HHLA2: variants seen among roughly 807,000 people sequenced by gnomAD.
The protein encoded by HHLA2 is HHLA2 member of B7 family, also known as HERV-H LTR-associating protein 2.
In HHLA2, 48 loss-of-function variants were observed where a neutral mutation model predicts 45.9. That is an observed-to-expected ratio of 1.05 (90% CI 0.83 to 1.33). HHLA2 has a LOEUF of 1.33. HHLA2 is among the 40% of genes most tolerant of loss of function. The probability of loss-of-function intolerance (pLI) is 0.00; values close to 1 mark genes in which losing one functional copy is unlikely to be tolerated. For synonymous variants in HHLA2, 161 were observed against 173.9 expected (o/e 0.93, Z 0.59); for missense variants, 462 against 494.3 (o/e 0.93, Z 0.62).
intron 1 of HHLA2, among the ~76,000 whole-genome samples, chr3:108,304,631 C>A (rs1436387305): frequency 1.3e-5 from 2 of 152,182 alleles, no homozygotes; most frequent in Non-Finnish European, 2.9e-5. Flanking sequence ...AGTCGATCCA[C>A]TACAAATATA....
At chr3:108,304,458 C>T (rs548864505) in intron 1 of HHLA2, among the ~76,000 whole-genome samples, 2 of 152,124 alleles carry the variant, frequency 1.3e-5, no homozygotes, top group African/African-American at 4.8e-5. Context: ...CAGTCTCTGC[C>T]ACCGTCTGTG....
chr3:108,326,115 T>C (rs1165197230), intron 2 of HHLA2: 1 of 252,422 alleles, frequency 4.0e-6, no homozygotes, highest in East Asian at 1.1e-4. Flanking sequence ...CGGTGTCTTT[T>C]TTTTAATGCC....
intron 3 of HHLA2, among the ~76,000 whole-genome samples, chr3:108,333,981 C>A (rs537762008): frequency 8.5e-5 from 13 of 152,316 alleles, no homozygotes; most frequent in East Asian, 1.9e-4. Flanking sequence ...CCAGAAGAAT[C>A]TTTTCTTCCC....
At chr3:108,369,364 G>A (rs928541833) in intron 8 of HHLA2, among the ~76,000 whole-genome samples, 8 of 152,094 alleles carry the variant, frequency 5.3e-5, no homozygotes, top group Admixed American at 1.3e-4. Context: ...GAACAGCTCC[G>A]GTCTACAGCT....
At chr3:108,371,588 G>A (rs536606213) in intron 8 of HHLA2, among the ~76,000 whole-genome samples, 7 of 152,234 alleles carry the variant, frequency 4.6e-5, no homozygotes, top group Non-Finnish European at 5.9e-5. Context: ...CCTATCTCAC[G>A]TGCAGAGACA....
intron 3 of HHLA2, among the ~76,000 whole-genome samples, chr3:108,338,645 G>C (rs1242422051): frequency 6.6e-6 from 1 of 152,190 alleles, no homozygotes; most frequent in Non-Finnish European, 1.5e-5. Flanking sequence ...AGCAGAAAGA[G>C]CCCTTGTTTA....
At chr3:108,339,239 CA>C (rs2081525299) in intron 3 of HHLA2, among the ~76,000 whole-genome samples, 1 of 152,128 alleles carries the variant, frequency 6.6e-6, no homozygotes, top group African/African-American at 2.4e-5. Flanking sequence ...ATAAGACTCA[CA>C]AAAAGGTCAA....
At chr3:108,356,869 A>G (rs1307813108) in intron 6 of HHLA2, among the ~76,000 whole-genome samples, 1 of 152,230 alleles carries the variant, frequency 6.6e-6, no homozygotes, top group Non-Finnish European at 1.5e-5. Context: ...TGGGGTTGTC[A>G]CAGAATATGT....
rs902042365 is a variant in HHLA2 at position 108,312,080 on chromosome 3, C to G, written c.-105+1339C>G. On this transcript the variant is annotated intron_variant, in intron 2 of 10. Coordinates refer to ENST00000619531, the Ensembl canonical transcript of HHLA2. ...GGGGAGGGAAGAAGCCACGTTCCCC[C>G]CATTCACCATTCTTACTTCCTGAGG... Among the ~76,000 whole-genome samples, 5 of 152,192 alleles carry G rather than the reference C, an allele frequency of 3.3e-5. 1 individual carries two copies. The highest frequency in any genetic ancestry group is 1.2e-4 in the African/African-American group (5 of 41,438).
At chr3:108,310,013 A>G (rs1265393395) in intron 1 of HHLA2, among the ~76,000 whole-genome samples, 1 of 152,130 alleles carries the variant, frequency 6.6e-6, no homozygotes, top group Non-Finnish European at 1.5e-5. Context: ...CTAATATTAT[A>G]ATTTATTTTG....
exon 5 of HHLA2, chr3:108,353,558 C>G: frequency 4.3e-6 from 7 of 1,613,578 alleles, no homozygotes; most frequent in Non-Finnish European, 5.9e-6. Context: ...CTGGAAGTAT[C>G]AAGATAGCTA....
intron 3 of HHLA2, among the ~76,000 whole-genome samples, chr3:108,348,791 C>T (rs2081718916): frequency 6.6e-6 from 1 of 151,986 alleles, no homozygotes; most frequent in Admixed American, 6.6e-5. Flanking sequence ...AATGTTATCC[C>T]TCCCCTAGCC....
chr3:108,376,368 T>G, intron 9 of HHLA2, 125 bp from the exon 9 acceptor site: 1 of 680,388 alleles, frequency 1.5e-6, no homozygotes, highest in South Asian at 2.0e-5. Flanking sequence ...ATGTTGTTTG[T>G]TAAAGATATG....
chr3:108,340,047 G>T (rs1277109578), intron 3 of HHLA2, among the ~76,000 whole-genome samples: 1 of 152,140 alleles, frequency 6.6e-6, no homozygotes, highest in African/African-American at 2.4e-5. Flanking sequence ...AACTAGAGAG[G>T]ACAACAGGGT....
At chr3:108,371,130 T>C (rs2082162699) in intron 8 of HHLA2, among the ~76,000 whole-genome samples, 1 of 152,216 alleles carries the variant, frequency 6.6e-6, no homozygotes, top group South Asian at 2.1e-4. Context: ...GCTGATCTCT[T>C]GGCAGAAACT....
At chr3:108,299,756 C>T (rs78842824) in intron 1 of HHLA2, among the ~76,000 whole-genome samples, 3 of 152,132 alleles carry the variant, frequency 2.0e-5, no homozygotes, top group African/African-American at 4.8e-5. Context: ...ACAAATTATA[C>T]TCTAACTCAA....
intron 1 of HHLA2, among the ~76,000 whole-genome samples, chr3:108,307,862 T>A (rs1163199387): frequency 6.6e-6 from 1 of 152,156 alleles, no homozygotes; most frequent in Non-Finnish European, 1.5e-5. Context: ...TCTTTTTTTT[T>A]ATTTTCAATT....
At chr3:108,298,052 G>A (rs1348384375) in intron 1 of HHLA2, among the ~76,000 whole-genome samples, 1 of 152,122 alleles carries the variant, frequency 6.6e-6, no homozygotes, top group Non-Finnish European at 1.5e-5. Flanking sequence ...CTGACTGCAG[G>A]CATGCAAACT....
At chr3:108,372,739 A>G (rs1207900242) in intron 8 of HHLA2, among the ~76,000 whole-genome samples, 15 of 152,378 alleles carry the variant, frequency 9.8e-5, no homozygotes, top group Non-Finnish European at 1.5e-4. Context: ...AGAAATGGAT[A>G]AATTCCTTGA....
Sources: gnomAD v4.1 joint callset for allele counts (sites outside exome capture counted in the v4.1 genomes callset) on GRCh38, gnomAD v4.1.1 for gene constraint, MANE v1.5 for transcripts, NCBI Gene and HGNC (gene_info 2026-07-23, HGNC 2026-07-21) for gene names.